Variants in MYO16 observed in about 807,000 individuals in gnomAD.
The protein encoded by MYO16 is myosin XVI.
In MYO16, 94 loss-of-function variants were observed where a neutral mutation model predicts 205.3. The observed-to-expected ratio is 0.46, with a 90% CI of 0.39 to 0.54. The LOEUF is 0.54. Among genes scored for constraint, MYO16 ranks in the 20% least tolerant of loss-of-function variants. MYO16 has a pLI of 0.00. For missense variants in MYO16, 2,315 were observed against 2,387.5 expected (o/e 0.97, Z 0.63); for synonymous variants, 988 against 954.0 (o/e 1.04, Z -0.66).
At chr13:108,763,735 G>A (rs1277228616) in intron 4 of MYO16, among the ~76,000 whole-genome samples, 2 of 151,574 alleles carry the variant, frequency 1.3e-5, no homozygotes, top group African/African-American at 2.4e-5. Context: ...CATCCACTTT[G>A]AGAAGTCTAA....
At chr13:109,022,281 A>G in intron 23 of MYO16, among the ~76,000 whole-genome samples, 1 of 127,136 alleles carries the variant, frequency 7.9e-6, no homozygotes, top group East Asian at 2.1e-4. Context: ...ATATTTATAT[A>G]TACAAATATA....
At chr13:108,869,984 A>T (rs992353194) in intron 12 of MYO16, among the ~76,000 whole-genome samples, 1 of 151,292 alleles carries the variant, frequency 6.6e-6, no homozygotes, top group African/African-American at 2.4e-5. Flanking sequence ...TTCATTTAAA[A>T]ATATATATAT....
At chr13:108,659,985 C>A (rs1881431139) in intron 1 of MYO16, among the ~76,000 whole-genome samples, 1 of 151,796 alleles carries the variant, frequency 6.6e-6, no homozygotes. Context: ...GCCTGCAGTC[C>A]CAGCTACTTG....
intron 4 of MYO16, among the ~76,000 whole-genome samples, chr13:108,772,233 C>T (rs1885990325): frequency 6.6e-6 from 1 of 152,154 alleles, no homozygotes; most frequent in East Asian, 1.9e-4. Context: ...GTGGTGCACA[C>T]CTGTGGTCCC....
At chr13:108,962,352 G>T (rs1192418480) in intron 18 of MYO16, 72 bp from the exon 19 acceptor site, 14 of 1,190,150 alleles carry the variant, frequency 1.2e-5, no homozygotes, top group Non-Finnish European at 1.7e-5. Flanking sequence ...ATCAATTATG[G>T]CCATAAAATT....
intron 20 of MYO16, among the ~76,000 whole-genome samples, chr13:108,982,109 A>T (rs1884464935): frequency 6.6e-6 from 1 of 152,260 alleles, no homozygotes; most frequent in Non-Finnish European, 1.5e-5. Flanking sequence ...AGATGGAGAT[A>T]GAAGGATACA....
chr13:108,709,400 A>AATGTTCTTTATGAGTTT (rs1188818625), intron 2 of MYO16, among the ~76,000 whole-genome samples: 2 of 137,888 alleles, frequency 1.5e-5, no homozygotes, highest in African/African-American at 5.4e-5. Context: ...GGTTAAGGGC[A>AATGTTCTTTATGAGTTT]CAATCACTGG....
intron 27 of MYO16, among the ~76,000 whole-genome samples, chr13:109,089,929 C>T (rs1034119219): frequency 6.6e-6 from 1 of 152,204 alleles, no homozygotes; most frequent in African/African-American, 2.4e-5. Flanking sequence ...TACCAGTGCC[C>T]CAGACTGCAA....
Position 109,120,264 on chromosome 13 carries a change from T to C in MYO16, c.3439-106T>C, listed in dbSNP as rs1197927998. Reference sequence around the variant, plus strand: ...GACATGTACTCTAATTTTCTGAGTTTGTTTCTTCTAATCCTCTGCTGGAAA... The same window carrying C: ...GACATGTACTCTAATTTTCTGAGTTCGTTTCTTCTAATCCTCTGCTGGAAA... On this transcript the variant is annotated intron_variant, in intron 28 of 34. Coordinates refer to ENST00000457511, the MANE Select transcript of MYO16 (RefSeq NM_001198950.3). 8 of 730,740 alleles carry C rather than the reference T, an allele frequency of 1.1e-5. No homozygotes were observed. In the East Asian group the frequency reaches 1.6e-4, roughly 15 times the overall value. The allele number at this position is 730,740 out of a possible 1,614,324, so 45.3% of individuals were successfully genotyped here.
intron 2 of MYO16, among the ~76,000 whole-genome samples, chr13:108,685,262 C>A (rs1882631597): frequency 6.6e-6 from 1 of 152,072 alleles, no homozygotes; most frequent in African/African-American, 2.4e-5. Flanking sequence ...ACCTCATGAT[C>A]CACCTGCCTC....
intron 3 of MYO16, among the ~76,000 whole-genome samples, chr13:108,719,115 G>T (rs1307476658): frequency 1.3e-5 from 2 of 151,976 alleles, no homozygotes; most frequent in Non-Finnish European, 1.5e-5. Context: ...TTGTAATAAG[G>T]ACCCCAAATT....
At chr13:109,045,361 G>A (rs949192188) in intron 23 of MYO16, among the ~76,000 whole-genome samples, 2 of 152,312 alleles carry the variant, frequency 1.3e-5, no homozygotes, top group Non-Finnish European at 1.5e-5. Context: ...GTCCCCTGGA[G>A]GCTATGATTG....
In MYO16 at chr13:108,806,866, T is replaced by C. The variant is rs553658315; in HGVS notation, c.867+62T>C. ...TATATAATTAATGAATAATTTCATA[T>C]TCAATTTTGATTTGATTTTAAATTA... On this transcript the variant is annotated intron_variant, in intron 7 of 34. Transcript: ENST00000457511. The C allele has an allele frequency of 2.2e-4, 265 of 1,206,384 alleles. 1 individual carries two copies. The African/African-American group carries it at 3.7e-3, about 17-fold the overall frequency. 74.7% of individuals were successfully genotyped at this position (1,206,384 alleles called of 1,614,324 possible).
intron 9 of MYO16, among the ~76,000 whole-genome samples, chr13:108,835,246 C>G (rs1175508834): frequency 6.6e-6 from 1 of 152,148 alleles, no homozygotes; most frequent in Non-Finnish European, 1.5e-5. Context: ...ATGCTGTTCC[C>G]TTGATAGTGA....
chr13:108,908,982 A>AAT (rs1555311584), intron 15 of MYO16, among the ~76,000 whole-genome samples: 6 of 142,084 alleles, frequency 4.2e-5, no homozygotes, highest in African/African-American at 1.6e-4. Context: ...CAAAAAAAAT[A>AAT]AAATAAAATA....
intron 32 of MYO16, among the ~76,000 whole-genome samples, chr13:109,142,197 C>T (rs952097265): frequency 6.6e-6 from 1 of 152,230 alleles, no homozygotes; most frequent in Non-Finnish European, 1.5e-5. Context: ...GTGCCAAAGG[C>T]ACTGCTTTTG....
chr13:109,046,918 A>T lies in MYO16; in HGVS notation c.2799A>T (p.Val933=), dbSNP rs759001020. The change falls in exon 24 of 35, where the codon GTA becomes GTT. Residue 933 remains valine, a splice_region_variant and synonymous_variant. Transcript: ENST00000457511. ...TATGCTGCTTTCTTTTATTCTAGGT[A>T]ATGTATGATGTTGTTGGGGCGATTG... is the stretch of plus-strand genomic sequence containing the variant. ...AFTIMHYAGR[V]MYDVVGAIEK... 6.2e-7 allele frequency: 1 copy of T among 1,601,378 alleles called. No homozygotes were observed. Among genetic ancestry groups the T allele is most frequent in the South Asian group, 1.1e-5 (1 of 90,786 alleles).
At position 109,127,740 on chromosome 13, in the gene MYO16, G is replaced by A. The variant is rs1462735608; in HGVS notation, c.4051+190G>A. The A allele has an allele frequency of 1.9e-5, 11 of 588,502 alleles. No homozygotes were observed. The highest frequency in any genetic ancestry group is 2.8e-5 in the Non-Finnish European group (10 of 357,360). 36.5% of individuals were successfully genotyped at this position (588,502 alleles called of 1,614,324 possible). ...TATTCAAATCTCTAAGCCTCTTAGG[G>A]AAAAGCTACTTACATGGCATTTCCT... On this transcript the variant is annotated intron_variant, in intron 31 of 34. Transcript: ENST00000457511. This position sits in a 1 kb window ranked among gnomAD's most constrained non-coding sequence, Gnocchi z 4.2.
the MYO16 span, among the ~76,000 whole-genome samples, chr13:108,590,023 T>C: frequency 6.6e-6 from 1 of 152,226 alleles, no homozygotes; most frequent in African/African-American, 2.4e-5. Flanking sequence ...GTGATATATA[T>C]AGGAATAAAT....
Sources: gnomAD v4.1 joint callset for allele counts (sites outside exome capture counted in the v4.1 genomes callset) on GRCh38, gnomAD v4.1.1 for gene constraint, Gnocchi (gnomAD v3.1) non-coding constraint, MANE v1.5 for transcripts, NCBI Gene and HGNC (gene_info 2026-07-23, HGNC 2026-07-21) for gene names.